GALNT3: variants seen among roughly 807,000 people sequenced by gnomAD.
GALNT3 encodes the protein polypeptide N-acetylgalactosaminyltransferase 3.
GALNT3 carries 51 observed loss-of-function variants against 69.8 expected under a neutral mutation model. That is an observed-to-expected ratio of 0.73 (90% CI 0.58 to 0.92). The LOEUF (loss-of-function observed/expected upper bound fraction) is 0.92, where lower values mean the gene tolerates loss of function less well. GALNT3 is among the 40% of genes least tolerant of loss of function. The probability of loss-of-function intolerance (pLI) is 0.00; values close to 1 mark genes in which losing one functional copy is unlikely to be tolerated. For missense variants in GALNT3, 711 were observed against 760.0 expected (o/e 0.94, Z 0.76); for synonymous variants, 265 against 248.5 (o/e 1.07, Z -0.63).
At chr2:165,759,266 C>T in intron 5 of GALNT3, 70 bp downstream of exon 5, 3 of 1,236,814 alleles carry the variant, frequency 2.4e-6, no homozygotes, top group Non-Finnish European at 3.5e-6. Context: ...TGCTATAAAG[C>T]AAACAGTGTG....
chr2:165,768,314 G>A (rs1307152404), intron 2 of GALNT3, among the ~76,000 whole-genome samples: 1 of 151,982 alleles, frequency 6.6e-6, no homozygotes, highest in Admixed American at 6.5e-5. Flanking sequence ...TGCTATATTG[G>A]GAGAAAAAAG....
chr2:165,748,059 T>TA lies in GALNT3; in HGVS notation c.*721dup, dbSNP rs947167219. ...CACCTTTTCAACAGATAGTAATTTA[T>TA]AAAAATTTTTTTAAAAGTGCTTTGG... On this transcript the variant is annotated 3_prime_UTR_variant, in exon 11 of 11. Coordinates refer to ENST00000392701, the MANE Select transcript of GALNT3 (RefSeq NM_004482.4). 5.5e-6 allele frequency: 1 copy of TA among 180,572 alleles called. No homozygotes were observed. The highest frequency in any genetic ancestry group is 2.4e-5 in the African/African-American group (1 of 42,446). 11.2% of individuals were successfully genotyped at this position (180,572 alleles called of 1,614,324 possible). A position where few individuals can be genotyped will look rare whatever the true frequency, so the allele number is the denominator to read the frequency against.
chr2:165,763,605 C>T (rs973188936), intron 3 of GALNT3, among the ~76,000 whole-genome samples: 2 of 152,036 alleles, frequency 1.3e-5, no homozygotes, highest in African/African-American at 4.8e-5. Context: ...TAAACATTTT[C>T]TGTTTTAAGA....
chr2:165,768,944 G>A (rs774724732), intron 2 of GALNT3, among the ~76,000 whole-genome samples: 9 of 151,152 alleles, frequency 6.0e-5, no homozygotes, highest in South Asian at 2.1e-4. Flanking sequence ...ACAGGCACAC[G>A]GCACCCTGTC....
chr2:165,748,840 A>T lies in GALNT3; in HGVS notation c.1843T>A (p.Leu615Ile). ...CLSANGEHPS[L>I]VSCNPSDPLQ... ...GGATCTGATGGGTTGCATGACACTAAACTTGGATGCTCTCCATTTGCTGAA... is the reference window on the plus strand; with the variant it reads ...GGATCTGATGGGTTGCATGACACTATACTTGGATGCTCTCCATTTGCTGAA... Residue 615 changes from leucine (L) to isoleucine (I), a missense_variant, in exon 11 of 11, where the codon TTA becomes ATA. Physicochemically the swap from Leu to Ile is conservative, Grantham distance 5 (BLOSUM62 2). Transcript: ENST00000392701. The T allele has an allele frequency of 6.2e-7, 1 of 1,611,888 alleles. No homozygotes were observed. Among genetic ancestry groups the T allele is most frequent in the Non-Finnish European group, 8.5e-7 (1 of 1,178,532 alleles).
chr2:165,782,789 T>C (rs1683140112), intron 1 of GALNT3, among the ~76,000 whole-genome samples: 1 of 152,150 alleles, frequency 6.6e-6, no homozygotes, highest in Non-Finnish European at 1.5e-5. Context: ...ACAGGTCCCT[T>C]TGGGGAAAAG....
intron 2 of GALNT3, among the ~76,000 whole-genome samples, chr2:165,768,011 C>T (rs564102578): frequency 4.7e-4 from 71 of 151,518 alleles, no homozygotes; most frequent in African/African-American, 7.5e-4. Flanking sequence ...GTAGCTGGGA[C>T]TACAGGCGCA....
intron 1 of GALNT3, among the ~76,000 whole-genome samples, chr2:165,776,608 A>T (rs891455013): frequency 1.2e-4 from 19 of 152,188 alleles, no homozygotes; most frequent in African/African-American, 4.6e-4. Context: ...TGAATTCCTA[A>T]GAGTGAAATT....
In GALNT3 at chr2:165,758,752, A is replaced by G; in HGVS notation, c.1186T>C (p.Phe396Leu). 6.5e-7 allele frequency: 1 copy of G among 1,531,256 alleles called. No homozygotes were observed. The highest frequency in any genetic ancestry group is 9.1e-7 in the Non-Finnish European group (1 of 1,104,828). The allele number at this position is 1,531,256 out of a possible 1,614,324, so 94.9% of individuals were successfully genotyped here. A position where few individuals can be genotyped will look rare whatever the true frequency, so the allele number is the denominator to read the frequency against. ...TTTAATTTCCATAAACTTACTCTGAAAGACATTTCTATATTTTCACCTCCC... is the reference window on the plus strand; with the variant it reads ...TTTAATTTCCATAAACTTACTCTGAGAGACATTTCTATATTTTCACCTCCC... Reference protein sequence around the residue: ...IWGGENIEMSFRVWQCGGQLE... With the variant: ...IWGGENIEMSLRVWQCGGQLE... Residue 396 changes from phenylalanine to leucine, a missense_variant, in exon 6 of 11, where the codon TTC (phenylalanine) becomes CTC (leucine). Transcript: ENST00000392701.
At chr2:165,783,591 T>G (rs1683158569) in intron 1 of GALNT3, among the ~76,000 whole-genome samples, 1 of 152,212 alleles carries the variant, frequency 6.6e-6, no homozygotes, top group Non-Finnish European at 1.5e-5. Flanking sequence ...AATTTTTTTT[T>G]GCTTTGCTGG....
chr2:165,770,207 C>T lies in GALNT3; in HGVS notation c.494G>A (p.Gly165Glu). 1 of 1,614,050 alleles carries T rather than the reference C, an allele frequency of 6.2e-7. No homozygotes were observed. The highest frequency in any genetic ancestry group is 1.1e-5 in the South Asian group (1 of 91,058). Residue 165 changes from glycine (G) to glutamate (E), a missense_variant, in exon 2 of 11, where the codon GGA (glycine) becomes GAA (glutamate). Transcript: ENST00000392701. ...SDRISLHRDL[G>E]PDTRPPECIE... ...ATACTCAGGAGGTCGAGTGTCTGGT[C>T]CAAGATCTCGGTGCAAAGAAATCCT... is the stretch of plus-strand genomic sequence containing the variant.
In GALNT3 at chr2:165,757,127, G is replaced by A. The variant is rs764730691; in HGVS notation, c.1312C>T (p.Arg438Cys). 2.2e-5 allele frequency: 35 copies of A among 1,613,892 alleles called. No homozygotes were observed. Among genetic ancestry groups the A allele is most frequent in the Non-Finnish European group, 2.7e-5 (32 of 1,179,956 alleles). The change falls in exon 7 of 11, where the codon CGC becomes TGC. Residue 438 changes from arginine to cysteine, a missense_variant. Coordinates refer to ENST00000392701, the MANE Select transcript of GALNT3 (RefSeq NM_004482.4). ...GTQVIARNQVRLAEVWMDEYK... is the reference protein window; with the variant it reads ...GTQVIARNQVCLAEVWMDEYK... Reference sequence around the variant, plus strand: ...TCATCCATCCAGACTTCTGCAAGGCGAACTTGGTTTCTAGCAATCACCTGA... The same window carrying A: ...TCATCCATCCAGACTTCTGCAAGGCAAACTTGGTTTCTAGCAATCACCTGA...
chr2:165,777,615 A>T (rs1042751351), intron 1 of GALNT3, among the ~76,000 whole-genome samples: 4 of 152,094 alleles, frequency 2.6e-5, no homozygotes, highest in Non-Finnish European at 4.4e-5. Flanking sequence ...GTAGTTTGTT[A>T]GTTTTGATTA....
At chr2:165,773,846 A>G (rs535498969) in intron 1 of GALNT3, among the ~76,000 whole-genome samples, 91 of 152,150 alleles carry the variant, frequency 6.0e-4, no homozygotes, top group Non-Finnish European at 1.2e-3. Context: ...ATCCACGTCA[A>G]GTGGAAGTAA....
intron 1 of GALNT3, among the ~76,000 whole-genome samples, chr2:165,772,672 G>A (rs1238672713): frequency 1.3e-5 from 2 of 149,152 alleles, no homozygotes; most frequent in Admixed American, 1.3e-4. Context: ...TGACACTGTT[G>A]AGCAAAATCT....
intron 1 of GALNT3, among the ~76,000 whole-genome samples, chr2:165,784,110 G>T (rs1474711328): frequency 6.6e-6 from 1 of 152,114 alleles, no homozygotes. Context: ...GCCTCAAGTA[G>T]GGTAATTTTA....
chr2:165,780,370 A>C (rs1683076288), intron 1 of GALNT3, among the ~76,000 whole-genome samples: 1 of 152,164 alleles, frequency 6.6e-6, no homozygotes, highest in Non-Finnish European at 1.5e-5. Flanking sequence ...CCTTGTCACC[A>C]ATCTTCCAAT....
At chr2:165,763,017 T>G (rs1345104967) in intron 3 of GALNT3, among the ~76,000 whole-genome samples, 1 of 151,350 alleles carries the variant, frequency 6.6e-6, no homozygotes, top group East Asian at 1.9e-4. Flanking sequence ...CCCAGGCTGG[T>G]CTGGAACTCC....
chr2:165,792,707 A>T (rs963093952), intron 1 of GALNT3, among the ~76,000 whole-genome samples: 3 of 152,196 alleles, frequency 2.0e-5, no homozygotes, highest in Non-Finnish European at 2.9e-5. Flanking sequence ...GGTTAAAGCA[A>T]TATATAAAGA....
Sources: gnomAD v4.1 joint callset for allele counts (sites outside exome capture counted in the v4.1 genomes callset) on GRCh38, gnomAD v4.1.1 for gene constraint, MANE v1.5 for transcripts, NCBI Gene and HGNC (gene_info 2026-07-23, HGNC 2026-07-21) for gene names.